The following GNAQ variants were observed in gnomAD, a reference collection of about 807,000 sequenced individuals.
The protein encoded by GNAQ is guanine nucleotide-binding protein G(q) subunit alpha.
A neutral mutation model predicts 43.9 loss-of-function variants in GNAQ; 8 were observed. That is an observed-to-expected ratio of 0.18 (90% CI 0.11 to 0.33). The LOEUF is 0.33. Ranked by LOEUF, GNAQ falls within the 10% of genes least tolerant of loss-of-function variation. GNAQ has a pLI of 1.00. For synonymous variants in GNAQ, 155 were observed against 170.7 expected (o/e 0.91, Z 0.71); for missense variants, 158 against 450.8 (o/e 0.35, Z 5.88).
intron 1 of GNAQ, among the ~76,000 whole-genome samples, chr9:77,933,172 A>G (rs1012598012): frequency 6.6e-6 from 1 of 152,220 alleles, no homozygotes; most frequent in African/African-American, 2.4e-5. Flanking sequence ...TGTGTCCTAC[A>G]TTCTCTGGGC....
At chr9:77,911,493 C>T (rs1828802494) in intron 2 of GNAQ, among the ~76,000 whole-genome samples, 1 of 152,126 alleles carries the variant, frequency 6.6e-6, no homozygotes, top group African/African-American at 2.4e-5. Context: ...GATTAAAATA[C>T]TATAGTTAAT....
intron 2 of GNAQ, among the ~76,000 whole-genome samples, chr9:77,871,852 C>T (rs1377377300): frequency 6.6e-6 from 1 of 152,070 alleles, no homozygotes; most frequent in African/African-American, 2.4e-5. Flanking sequence ...GATTGTGTAG[C>T]ACTTGGATTT....
chr9:78,023,486 G>A (rs895630744), intron 1 of GNAQ, among the ~76,000 whole-genome samples: 2 of 151,916 alleles, frequency 1.3e-5, no homozygotes, highest in African/African-American at 2.4e-5. Flanking sequence ...TGGGTAGGGG[G>A]GCTACAGAAA....
chr9:77,985,849 A>G (rs1258937844), intron 1 of GNAQ, among the ~76,000 whole-genome samples: 2 of 152,146 alleles, frequency 1.3e-5, no homozygotes, highest in Admixed American at 6.5e-5. Flanking sequence ...CAGCCTCCCA[A>G]AGTGCTGGGA....
intron 5 of GNAQ, 25 bp downstream of exon 5, chr9:77,794,438 C>A: frequency 6.6e-7 from 1 of 1,511,166 alleles, no homozygotes; most frequent in East Asian, 2.3e-5. Context: ...AATGATAATC[C>A]ATTGCCTGTC....
intron 1 of GNAQ, among the ~76,000 whole-genome samples, chr9:77,982,455 A>C (rs1823379681): frequency 6.6e-6 from 1 of 152,188 alleles, no homozygotes; most frequent in Non-Finnish European, 1.5e-5. Flanking sequence ...AATTTTCCAC[A>C]TGGAGAATCT....
intron 2 of GNAQ, among the ~76,000 whole-genome samples, chr9:77,877,113 T>G (rs1246853910): frequency 6.6e-6 from 1 of 152,160 alleles, no homozygotes; most frequent in African/African-American, 2.4e-5. Context: ...CAAGAATGAT[T>G]AGAAAGTCCT....
intron 1 of GNAQ, among the ~76,000 whole-genome samples, chr9:77,939,607 GA>G (rs1217115175): frequency 6.6e-6 from 1 of 151,598 alleles, no homozygotes; most frequent in East Asian, 1.9e-4. Flanking sequence ...AGAAAGCAAA[GA>G]AAAAAACAGA....
intron 1 of GNAQ, among the ~76,000 whole-genome samples, chr9:77,981,648 T>C (rs951599978): frequency 5.3e-5 from 8 of 152,208 alleles, no homozygotes; most frequent in East Asian, 1.9e-4. Flanking sequence ...AAAATACTTA[T>C]CCCTTTTGAC....
At chr9:77,801,603 C>T (rs1157071608) in intron 3 of GNAQ, among the ~76,000 whole-genome samples, 1 of 152,138 alleles carries the variant, frequency 6.6e-6, no homozygotes, top group Non-Finnish European at 1.5e-5. Context: ...GAGAGAAAGG[C>T]TCACTTTGCT....
chr9:77,852,656 C>A (rs1241444373), intron 2 of GNAQ, among the ~76,000 whole-genome samples: 1 of 152,232 alleles, frequency 6.6e-6, no homozygotes, highest in Non-Finnish European at 1.5e-5. Context: ...AACTTTGGGA[C>A]TACGTGATCG....
At chr9:77,782,799 A>T (rs1035257700) in intron 5 of GNAQ, among the ~76,000 whole-genome samples, 3 of 152,246 alleles carry the variant, frequency 2.0e-5, no homozygotes, top group African/African-American at 4.8e-5. Context: ...ACAATGAACT[A>T]TTTCAGTACC....
intron 2 of GNAQ, among the ~76,000 whole-genome samples, chr9:77,863,259 A>G (rs1827890064): frequency 6.9e-6 from 1 of 145,730 alleles, no homozygotes; most frequent in African/African-American, 2.5e-5. Flanking sequence ...AAAGAAGGAA[A>G]TTTCTTCCAC....
intron 1 of GNAQ, among the ~76,000 whole-genome samples, chr9:77,953,390 A>G (rs1461256597): frequency 6.6e-6 from 1 of 152,230 alleles, no homozygotes; most frequent in Non-Finnish European, 1.5e-5. Flanking sequence ...AATGATTTGT[A>G]TGCTTTGAAA....
chr9:77,956,490 A>T (rs1823042552), intron 1 of GNAQ, among the ~76,000 whole-genome samples: 1 of 152,162 alleles, frequency 6.6e-6, no homozygotes, highest in African/African-American at 2.4e-5. Context: ...TTAGTATAGG[A>T]TCCCTCACTT....
At chr9:77,976,175 A>G (rs1823299365) in intron 1 of GNAQ, among the ~76,000 whole-genome samples, 1 of 152,180 alleles carries the variant, frequency 6.6e-6, no homozygotes, top group Non-Finnish European at 1.5e-5. Context: ...AATTTATATT[A>G]GTTTATATTT....
chr9:78,026,822 T>C (rs1823985953), intron 1 of GNAQ, among the ~76,000 whole-genome samples: 1 of 152,234 alleles, frequency 6.6e-6, no homozygotes, highest in African/African-American at 2.4e-5. Context: ...TACAAATGCA[T>C]ATCCTTCATA....
chr9:77,863,677 C>T (rs1298070883), intron 2 of GNAQ, among the ~76,000 whole-genome samples: 1 of 85,598 alleles, frequency 1.2e-5, no homozygotes, highest in Non-Finnish European at 3.1e-5. Flanking sequence ...GAGACTTGGC[C>T]ATTTATAAAA....
chr9:78,006,949 G>A (rs1823714354), intron 1 of GNAQ, among the ~76,000 whole-genome samples: 1 of 152,140 alleles, frequency 6.6e-6, no homozygotes, highest in Admixed American at 6.5e-5. Flanking sequence ...AATGAGAGAT[G>A]AGCCAAGTAC....
Sources: gnomAD v4.1 joint callset for allele counts (sites outside exome capture counted in the v4.1 genomes callset) on GRCh38, gnomAD v4.1.1 for gene constraint, MANE v1.5 for transcripts, NCBI Gene and HGNC (gene_info 2026-07-23, HGNC 2026-07-21) for gene names.